Variants in UGP2 observed in about 807,000 individuals in gnomAD.
The protein encoded by UGP2 is UDP-glucose pyrophosphorylase 2.
A neutral mutation model predicts 49.0 loss-of-function variants in UGP2; 40 were observed. The observed-to-expected ratio is 0.82, with a 90% CI of 0.63 to 1.06. UGP2 has a LOEUF of 1.06. UGP2 is among the 50% of genes least tolerant of loss of function. The pLI, the probability that UGP2 is intolerant of heterozygous loss-of-function variation, is 0.00. For synonymous variants in UGP2, 225 were observed against 213.0 expected (o/e 1.06, Z -0.49); for missense variants, 460 against 603.5 (o/e 0.76, Z 2.49).
intron 1 of UGP2, among the ~76,000 whole-genome samples, chr2:63,853,914 T>TA (rs1196155051): frequency 6.6e-6 from 1 of 152,214 alleles, no homozygotes; most frequent in Non-Finnish European, 1.5e-5. Context: ...GAAATTGACT[T>TA]AAAGTGTCTA....
Position 63,882,596 on chromosome 2 carries a change from T to C in UGP2, c.386T>C (p.Leu129Pro). The C allele has an allele frequency of 6.2e-7, 1 of 1,609,606 alleles. No individual in the cohort carries two copies. Among genetic ancestry groups the C allele is most frequent in the Non-Finnish European group, 8.5e-7 (1 of 1,176,910 alleles). The change falls in exon 4 of 10, where the codon CTG becomes CCG. Residue 129 changes from leucine (L) to proline (P), a missense_variant. Leu to Pro is a moderately conservative substitution (Grantham distance 98, BLOSUM62 -3). Around this residue, in one of 2 missense-constraint regions of UGP2, gnomAD observed 317 missense variants for 473.0 expected, o/e 0.67. Transcript: ENST00000337130. ...ATGGGCTGCAAAGGCCCTAAAAGTCTGATTGGTGTGAGGAATGAGAATACC... is the reference window on the plus strand; with the variant it reads ...ATGGGCTGCAAAGGCCCTAAAAGTCCGATTGGTGTGAGGAATGAGAATACC... Reference protein sequence around the residue: ...TSMGCKGPKSLIGVRNENTFL... With the variant: ...TSMGCKGPKSPIGVRNENTFL...
chr2:63,856,463 C>CCCG, intron 2 of UGP2, 30 bp downstream of exon 2: 1 of 1,588,850 alleles, frequency 6.3e-7, no homozygotes, highest in Non-Finnish European at 8.5e-7. Flanking sequence ...GTTCCACCCC[C>CCCG]CCGCCCCTCC....
chr2:63,889,251 A>G (rs1171610153), intron 8 of UGP2: 1 of 152,128 alleles, frequency 6.6e-6, no homozygotes, highest in African/African-American at 2.4e-5. Context: ...TTAAAGAGAA[A>G]CAGAGAAATG....
Position 63,885,720 on chromosome 2 carries a change from T to C in UGP2, c.707T>C (p.Leu236Pro). 2.5e-6 allele frequency: 4 copies of C among 1,614,090 alleles called. No homozygotes were observed. The highest frequency in any genetic ancestry group is 3.4e-6 in the Non-Finnish European group (4 of 1,179,990). The change falls in exon 6 of 10, where the codon CTT becomes CCT. Residue 236 changes from leucine (L) to proline (P), a missense_variant. Leu to Pro is a moderately conservative substitution (Grantham distance 98, BLOSUM62 -3). This residue lies in a region of UGP2 where 317 missense variants were observed against 473.0 expected (regional missense o/e 0.67). Coordinates refer to ENST00000337130, the MANE Select transcript of UGP2 (RefSeq NM_006759.4). ...IYASFYNSGLLDTFIGEGKEY... is the reference protein window; with the variant it reads ...IYASFYNSGLPDTFIGEGKEY... The stretch of plus-strand genomic sequence containing the variant: ...GCCAGTTTCTACAACTCTGGATTGC[T>C]TGATACCTTTATAGGAGAAGGCAAA...
chr2:63,884,222 A>G (rs1292738326), intron 5 of UGP2, 129 bp downstream of exon 5: 8 of 1,096,708 alleles, frequency 7.3e-6, no homozygotes, highest in Non-Finnish European at 1.0e-5. Flanking sequence ...TTTGATGCCC[A>G]TAAAAGCTGA....
chr2:63,862,881 A>G, intron 3 of UGP2: 1 of 456,382 alleles, frequency 2.2e-6, no homozygotes, highest in Non-Finnish European at 4.4e-6. Context: ...ATTTTAGTAA[A>G]GAGTCCTTTA....
At chr2:63,866,737 G>A (rs1670210005) in intron 3 of UGP2, among the ~76,000 whole-genome samples, 1 of 152,200 alleles carries the variant, frequency 6.6e-6, no homozygotes, top group South Asian at 2.1e-4. Context: ...AGGCAAGGTA[G>A]TGGGGGCCAT....
At chr2:63,869,527 A>G (rs536247544) in intron 3 of UGP2, among the ~76,000 whole-genome samples, 300 of 152,368 alleles carry the variant, frequency 2.0e-3, no homozygotes, top group African/African-American at 6.8e-3. Flanking sequence ...ATGCTTTAAT[A>G]TAACAAAAAG....
rs377143563 is a variant in UGP2 at position 63,856,968 on chromosome 2, G to C, written c.147+535G>C. ...TATTTCTTTTTGTTCTTTTAGTGAA[G>C]ATTAATTTTCATTGAGAAGTAGAGA... On this transcript the variant is annotated intron_variant, in intron 2 of 9. Coordinates refer to ENST00000337130, the MANE Select transcript of UGP2 (RefSeq NM_006759.4). 2.9e-4 allele frequency: 108 copies of C among 378,386 alleles called. No individual in the cohort carries two copies. In the East Asian group the frequency reaches 6.8e-3, roughly 24 times the overall value. 23.4% of individuals were successfully genotyped at this position (378,386 alleles called of 1,614,324 possible).
At chr2:63,887,689 T>C (rs748689868) in intron 8 of UGP2, 45 bp downstream of exon 8, 1 of 1,601,884 alleles carries the variant, frequency 6.2e-7, no homozygotes, top group Non-Finnish European at 8.5e-7. Flanking sequence ...CTTAAATGTG[T>C]AATTATAAAG....
intron 3 of UGP2, among the ~76,000 whole-genome samples, chr2:63,873,307 C>T (rs766308845): frequency 2.0e-5 from 3 of 152,142 alleles, no homozygotes; most frequent in Non-Finnish European, 4.4e-5. Flanking sequence ...CTTATTCAAG[C>T]CAAACAGAAG....
chr2:63,881,023 T>G (rs1671269295), intron 3 of UGP2, among the ~76,000 whole-genome samples: 1 of 152,166 alleles, frequency 6.6e-6, no homozygotes, highest in Non-Finnish European at 1.5e-5. Context: ...AGGAAAGAAT[T>G]GATCATTAGT....
intron 3 of UGP2, among the ~76,000 whole-genome samples, chr2:63,860,893 T>G (rs1669794100): frequency 6.6e-6 from 1 of 151,666 alleles, no homozygotes; most frequent in Non-Finnish European, 1.5e-5. Flanking sequence ...TCATAAATAC[T>G]AGATTGAAGG....
At chr2:63,841,427 T>C (rs1021435012), upstream of UGP2, among the ~76,000 whole-genome samples, 1 of 151,936 alleles carries the variant, frequency 6.6e-6, no homozygotes, top group African/African-American at 2.4e-5. Context: ...CCCGCGCCGG[T>C]GCACGGGTCT....
intron 1 of UGP2, among the ~76,000 whole-genome samples, chr2:63,849,165 C>A (rs534181023): frequency 6.2e-4 from 95 of 152,274 alleles, no homozygotes; most frequent in African/African-American, 2.1e-3. Flanking sequence ...AACAAAAAGC[C>A]ATTAATTGTC....
intron 1 of UGP2, among the ~76,000 whole-genome samples, chr2:63,849,478 G>A (rs975435912): frequency 6.6e-6 from 1 of 152,184 alleles, no homozygotes; most frequent in African/African-American, 2.4e-5. Flanking sequence ...ATGGTAAAAT[G>A]CTTTGCCTTG....
intron 1 of UGP2, among the ~76,000 whole-genome samples, chr2:63,845,311 G>T (rs1671853002): frequency 6.6e-6 from 1 of 152,164 alleles, no homozygotes; most frequent in Non-Finnish European, 1.5e-5. Context: ...AGGCTGAAAT[G>T]AGATGAACTA....
intron 3 of UGP2, among the ~76,000 whole-genome samples, chr2:63,880,228 C>T (rs1267012344): frequency 1.4e-5 from 2 of 139,722 alleles, no homozygotes; most frequent in East Asian, 4.9e-4. Flanking sequence ...CTGTGGAGTA[C>T]AGTGGCATGA....
Position 63,874,929 on chromosome 2 carries a change from A to G in UGP2, c.256-7537A>G, listed in dbSNP as rs535170705. On this transcript the variant is annotated intron_variant, in intron 3 of 9. Transcript: ENST00000337130. ...TGCTGACACCATGCTTCTTTCTTGT[A>G]CAGCTTGCAGAACTGTGCACCAAAT... 2.6e-5 allele frequency among the ~76,000 whole-genome samples: 4 copies of G among 152,246 alleles called. No individual in the cohort carries two copies. In the South Asian group the frequency reaches 8.3e-4, roughly 32 times the overall value.
Sources: allele counts gnomAD v4.1 joint callset (sites outside exome capture counted in the v4.1 genomes callset), GRCh38; gene constraint gnomAD v4.1.1; regional missense constraint gnomAD v4.1.1; transcripts MANE v1.5; gene names NCBI Gene and HGNC (gene_info 2026-07-23, HGNC 2026-07-21).